The following CEP63 variants were observed in gnomAD, a reference collection of about 807,000 sequenced individuals.
The protein encoded by CEP63 is centrosomal protein of 63 kDa.
CEP63 carries 84 observed loss-of-function variants against 89.1 expected under a neutral mutation model. That is an observed-to-expected ratio of 0.94 (90% CI 0.79 to 1.13). The LOEUF is 1.13. Among genes scored for constraint, CEP63 ranks in the 50% most tolerant of loss-of-function variants. The pLI is 0.00. For missense variants in CEP63, 838 were observed against 813.3 expected (o/e 1.03, Z -0.37); for synonymous variants, 267 against 272.5 (o/e 0.98, Z 0.20).
chr3:134,653,115 G>A, the CEP63 span, among the ~76,000 whole-genome samples: 1 of 152,182 alleles, frequency 6.6e-6, no homozygotes. Context: ...CTGTCTCTCT[G>A]CTATGTCTGA....
At chr3:134,755,146 A>G in the CEP63 span, among the ~76,000 whole-genome samples, 1 of 152,140 alleles carries the variant, frequency 6.6e-6, no homozygotes, top group Non-Finnish European at 1.5e-5. Context: ...TTTATGGAGG[A>G]TACAGCAGGT....
At chr3:134,528,060 G>A (rs1195374239) in intron 3 of CEP63, among the ~76,000 whole-genome samples, 1 of 152,170 alleles carries the variant, frequency 6.6e-6, no homozygotes. Context: ...AGTGTTCATG[G>A]TGGGCGAGAG....
chr3:134,703,609 A>G, the CEP63 span, among the ~76,000 whole-genome samples: 1 of 151,930 alleles, frequency 6.6e-6, no homozygotes, highest in Admixed American at 6.6e-5. Flanking sequence ...GGGGAACAGT[A>G]CACACGGGGG....
At chr3:134,661,727 G>C in the CEP63 span, among the ~76,000 whole-genome samples, 1 of 152,094 alleles carries the variant, frequency 6.6e-6, no homozygotes, top group African/African-American at 2.4e-5. Context: ...AGGCTGGAAG[G>C]CTGGAAGGCA....
In CEP63 at chr3:134,550,178, C is replaced by T. The variant is rs1166897156; in HGVS notation, c.1298C>T (p.Ser433Phe). 3.1e-6 allele frequency: 5 copies of T among 1,613,924 alleles called. No homozygotes were observed. In the African/African-American group the frequency reaches 5.3e-5, roughly 17 times the overall value. The change falls in exon 11 of 15, where the codon TCC (serine) becomes TTC (phenylalanine). Residue 433 changes from serine to phenylalanine, a missense_variant. Physicochemically the swap from Ser to Phe is radical, Grantham distance 155. Coordinates refer to ENST00000675561, the MANE Select transcript of CEP63 (RefSeq NM_001353108.3). Reference protein sequence around the residue: ...ELHQRDITIASTKGSSSDMEK... With the variant: ...ELHQRDITIAFTKGSSSDMEK... ...CATCAGCGAGATATCACTATTGCTT[C>T]CACCAAAGGTTCTTCCTCAGACATG...
At chr3:134,754,165 T>TCACACACA in the CEP63 span, among the ~76,000 whole-genome samples, 1 of 152,160 alleles carries the variant, frequency 6.6e-6, no homozygotes, top group South Asian at 2.1e-4. Flanking sequence ...CTTGGCTGCA[T>TCACACACA]CACACACACG....
the CEP63 span, among the ~76,000 whole-genome samples, chr3:134,757,993 A>G: frequency 6.6e-6 from 1 of 152,196 alleles, no homozygotes; most frequent in Non-Finnish European, 1.5e-5. Flanking sequence ...TGGAAACCAC[A>G]AAGTGTTTAT....
At chr3:134,635,821 C>T in the CEP63 span, among the ~76,000 whole-genome samples, 8 of 152,156 alleles carry the variant, frequency 5.3e-5, no homozygotes, top group Admixed American at 3.9e-4. Context: ...TGATACAGAA[C>T]GATATAAAGC....
At chr3:134,705,488 C>T in the CEP63 span, among the ~76,000 whole-genome samples, 10 of 152,346 alleles carry the variant, frequency 6.6e-5, no homozygotes, top group East Asian at 1.9e-4. Flanking sequence ...CAGGCCTCAC[C>T]TCCCAATATG....
At chr3:134,703,823 T>C in the CEP63 span, among the ~76,000 whole-genome samples, 2 of 152,168 alleles carry the variant, frequency 1.3e-5, no homozygotes, top group Admixed American at 1.3e-4. Context: ...AAAATATATA[T>C]ATTTTAAATG....
At chr3:134,730,351 C>A in the CEP63 span, among the ~76,000 whole-genome samples, 1 of 152,136 alleles carries the variant, frequency 6.6e-6, no homozygotes, top group East Asian at 1.9e-4. Context: ...TTCTGCCATG[C>A]CTTCAGACCA....
chr3:134,501,953 T>C (rs1486205597), intron 2 of CEP63, among the ~76,000 whole-genome samples: 1 of 152,194 alleles, frequency 6.6e-6, no homozygotes, highest in Non-Finnish European at 1.5e-5. Flanking sequence ...CAGTATGATA[T>C]TGGCTGTGGG....
chr3:134,566,758 A>T (rs1216349907), downstream of CEP63, among the ~76,000 whole-genome samples: 1 of 147,348 alleles, frequency 6.8e-6, no homozygotes, highest in East Asian at 2.0e-4. Flanking sequence ...CACTATAATA[A>T]AAAAAAAATG....
At chr3:134,712,267 G>C in the CEP63 span, among the ~76,000 whole-genome samples, 1 of 152,078 alleles carries the variant, frequency 6.6e-6, no homozygotes, top group East Asian at 1.9e-4. Context: ...AAATATCCTT[G>C]TATTTTTTAT....
intron 10 of CEP63, among the ~76,000 whole-genome samples, chr3:134,585,709 T>C (rs991956074): frequency 6.6e-6 from 1 of 152,140 alleles, no homozygotes; most frequent in African/African-American, 2.4e-5. Flanking sequence ...CTATTAGGTC[T>C]GCTTGGTGCA....
intron 11 of CEP63, among the ~76,000 whole-genome samples, chr3:134,551,306 A>G (rs1040281288): frequency 6.6e-6 from 1 of 152,154 alleles, no homozygotes; most frequent in African/African-American, 2.4e-5. Flanking sequence ...TATAGTGAGA[A>G]AGCATAGCGT....
the CEP63 span, among the ~76,000 whole-genome samples, chr3:134,740,082 C>T: frequency 1.3e-5 from 2 of 152,046 alleles, no homozygotes; most frequent in East Asian, 1.9e-4. Flanking sequence ...AAGTAGAACA[C>T]GGAGTATCTG....
At chr3:134,650,473 A>G in the CEP63 span, among the ~76,000 whole-genome samples, 2 of 152,142 alleles carry the variant, frequency 1.3e-5, no homozygotes, top group Non-Finnish European at 2.9e-5. Flanking sequence ...TCTGCTACCC[A>G]TGAGTCAGCC....
the CEP63 span, chr3:134,780,673 C>A: frequency 6.6e-6 from 1 of 152,108 alleles, no homozygotes; most frequent in Non-Finnish European, 1.5e-5. Context: ...TATAGAAATT[C>A]TTTATATATT....
Sources: gnomAD v4.1 joint callset for allele counts (sites outside exome capture counted in the v4.1 genomes callset) on GRCh38, gnomAD v4.1.1 for gene constraint, MANE v1.5 for transcripts, NCBI Gene and HGNC (gene_info 2026-07-23, HGNC 2026-07-21) for gene names.